Variants in SMARCD3 observed in about 807,000 individuals in gnomAD.
SMARCD3 encodes the protein SWI/SNF-related matrix-associated actin-dependent regulator of chromatin subfamily D member 3.
Under a neutral mutation model 58.0 loss-of-function variants are expected in SMARCD3, and 14 were observed. The observed-to-expected ratio is 0.24, with a 90% confidence interval of 0.16 to 0.38. The LOEUF (loss-of-function observed/expected upper bound fraction) is 0.38, where lower values mean the gene tolerates loss of function less well. Ranked by LOEUF, SMARCD3 falls within the 10% of genes least tolerant of loss-of-function variation. SMARCD3 has a pLI of 1.00. For missense variants in SMARCD3, 408 were observed against 636.9 expected, an observed-to-expected ratio of 0.64 and a Z score of 3.87; for synonymous variants, 253 against 253.8, an observed-to-expected ratio of 1.00 and a Z score of 0.03.
rs1584873500 is a variant in SMARCD3 at position 151,246,418 on chromosome 7, T to A, written c.79-747A>T. 2.0e-5 allele frequency among the ~76,000 whole-genome samples: 3 copies of A among 152,080 alleles called. No individual in the cohort carries two copies. Among genetic ancestry groups the A allele is most frequent in the Admixed American group, 2.0e-4 (3 of 15,270 alleles). ...CATAATTTGCTCCCAGGGTGAGGGC[T>A]GGAGGCAGGGCAGGCAAGGGCAGCC... On this transcript the variant is annotated intron_variant, in intron 1 of 12. Coordinates refer to ENST00000262188, the MANE Select transcript of SMARCD3 (RefSeq NM_001003801.2). This position sits in a 1 kb window ranked among gnomAD's most constrained non-coding sequence, Gnocchi z 4.4.
In SMARCD3 at chr7:151,239,502, G is replaced by A. The variant is rs1414424133; in HGVS notation, c.1297-5C>T. On this transcript the variant is annotated splice_region_variant and splice_polypyrimidine_tract_variant and intron_variant, in intron 11 of 12. Transcript: ENST00000262188. The surrounding 1 kb of genome is among the most constrained non-coding windows in gnomAD (Gnocchi z 7.0). ...GCCGGCTACATCTGTCATCACCTGG[G>A]AGGGAGCGTGGGGTGAGCCCTGAGC... The A allele has an allele frequency of 1.2e-6, 2 of 1,613,078 alleles. No individual in the cohort carries two copies.
Position 151,246,942 on chromosome 7 carries a change from AG to A in SMARCD3, c.79-1272del, listed in dbSNP as rs1803297346. Among the ~76,000 whole-genome samples the A allele has an allele frequency of 6.6e-6, 1 of 151,984 alleles. No homozygotes were observed. The highest frequency in any genetic ancestry group is 1.5e-5 in the Non-Finnish European group (1 of 67,952). ...ACCCACCTCACCCCCAGGCATGAGG[AG>A]GGGCCCCCTTGGGCTTGCTGTTTTC... On this transcript the variant is annotated intron_variant, in intron 1 of 12. Coordinates refer to ENST00000262188, the MANE Select transcript of SMARCD3 (RefSeq NM_001003801.2). The surrounding 1 kb of genome is among the most constrained non-coding windows in gnomAD (Gnocchi z 4.4).
At chr7:151,273,948 A>C (rs899113491) in intron 2 of SMARCD3, among the ~76,000 whole-genome samples, 2 of 152,158 alleles carry the variant, frequency 1.3e-5, no homozygotes, top group African/African-American at 4.8e-5. Context: ...TGGCAGGAGG[A>C]TGAGTTCCTC....
chr7:151,254,411 G>T (rs998573290), intron 2 of SMARCD3: 1 of 152,366 alleles, frequency 6.6e-6, no homozygotes, highest in African/African-American at 2.4e-5. Context: ...CATGTGGCCC[G>T]GGGAATGCCG....
upstream of SMARCD3, among the ~76,000 whole-genome samples, chr7:151,250,589 G>C (rs1803481483): frequency 6.6e-6 from 1 of 151,536 alleles, no homozygotes; most frequent in African/African-American, 2.4e-5. Context: ...GCCCAGCCCA[G>C]GCCCCACTTC....
At position 151,248,370 on chromosome 7, in the gene SMARCD3, G is replaced by T; in HGVS notation, c.78+115C>A. On this transcript the variant is annotated intron_variant, in intron 1 of 12. Coordinates refer to ENST00000262188, the MANE Select transcript of SMARCD3 (RefSeq NM_001003801.2). The surrounding 1 kb of genome is among the most constrained non-coding windows in gnomAD (Gnocchi z 6.1). ...CCGCGGCCGGGCCGTGGGCCATGAC[G>T]CCCCCCACTAGAGGGGTGGGAGAGC... The T allele has an allele frequency of 2.3e-6, 2 of 879,854 alleles. No individual in the cohort carries two copies. The highest frequency in any genetic ancestry group is 3.6e-6 in the Non-Finnish European group (2 of 554,904). 54.5% of individuals were successfully genotyped at this position (879,854 alleles called of 1,614,324 possible).
intron 2 of SMARCD3, among the ~76,000 whole-genome samples, chr7:151,261,437 C>T (rs1017945931): frequency 1.3e-5 from 2 of 152,308 alleles, no homozygotes; most frequent in South Asian, 2.1e-4. Context: ...CACTGAGTGA[C>T]CATAACCCTG....
In SMARCD3 at chr7:151,260,688, C is replaced by T. The variant is rs377558835; in HGVS notation, c.39+14426G>A. Reference sequence around the variant, plus strand: ...ATGTCGTTACCCCGACATAGCCAAGCGGTGCCCTCGGACAGCCCCCTACCA... The same window carrying T: ...ATGTCGTTACCCCGACATAGCCAAGTGGTGCCCTCGGACAGCCCCCTACCA... On this transcript the variant is annotated intron_variant, in intron 2 of 13. Coordinates refer to the SMARCD3 transcript ENST00000356800. Among the ~76,000 whole-genome samples the T allele has an allele frequency of 2.6e-5, 4 of 152,226 alleles. No individual in the cohort carries two copies. In the South Asian group the frequency reaches 8.3e-4, roughly 32 times the overall value.
intron 2 of SMARCD3, among the ~76,000 whole-genome samples, chr7:151,269,306 G>C (rs938627666): frequency 4.6e-5 from 7 of 152,124 alleles, no homozygotes; most frequent in Admixed American, 4.6e-4. Context: ...CCCCACGGGG[G>C]ACACCTTCCG....
chr7:151,247,609 T>A (rs940188432), intron 1 of SMARCD3, among the ~76,000 whole-genome samples: 12 of 152,078 alleles, frequency 7.9e-5, no homozygotes, highest in Non-Finnish European at 8.8e-5. Context: ...TTGGCCATAG[T>A]AAACCCGACA....
At chr7:151,247,698 C>T (rs1437227505) in intron 1 of SMARCD3, among the ~76,000 whole-genome samples, 4 of 138,726 alleles carry the variant, frequency 2.9e-5, no homozygotes, top group Non-Finnish European at 6.5e-5. Flanking sequence ...CCCACCCCTC[C>T]ATACCCCTCC....
intron 2 of SMARCD3, among the ~76,000 whole-genome samples, chr7:151,258,030 G>A (rs757025732): frequency 1.3e-5 from 2 of 151,916 alleles, no homozygotes; most frequent in Admixed American, 6.6e-5. Flanking sequence ...CCCATCCTCC[G>A]CCCAGTCTTC....
rs1175747078 is a variant in SMARCD3 at position 151,243,475 on chromosome 7, G to T, written c.333+184C>A. On this transcript the variant is annotated intron_variant, in intron 3 of 12. Transcript: ENST00000262188. This position sits in a 1 kb window ranked among gnomAD's most constrained non-coding sequence, Gnocchi z 4.4. The stretch of plus-strand genomic sequence containing the variant: ...AGGCCCCTGTGTTCTGGCCCCAGTG[G>T]CTCTGCTGCTTCCCTCCACCTCACC... Among the ~76,000 whole-genome samples, 2 of 152,138 alleles carry T rather than the reference G, an allele frequency of 1.3e-5. No homozygotes were observed. The highest frequency in any genetic ancestry group is 6.5e-5 in the Admixed American group (1 of 15,282).
Position 151,240,127 on chromosome 7 carries a change from A to G in SMARCD3, c.1158T>C (p.Ser386=). 6.2e-7 allele frequency: 1 copy of G among 1,613,980 alleles called. No homozygotes were observed. Among genetic ancestry groups the G allele is most frequent in the Non-Finnish European group, 8.5e-7 (1 of 1,180,016 alleles). ...LLSTANQQEI[S]ALDSKIHETI... ...TGGGCCCCACCTTACTGTCCAGAGC[A>G]CTGATCTCCTGCTGGTTGGCCGTGG... Residue 386 remains serine, a synonymous_variant, in exon 10 of 13, where the codon AGT becomes AGC. Coordinates refer to ENST00000262188, the MANE Select transcript of SMARCD3 (RefSeq NM_001003801.2).
rs184750424 is a variant in SMARCD3 at position 151,259,530 on chromosome 7, G to C, written c.40-13859C>G. On this transcript the variant is annotated intron_variant, in intron 2 of 13. Transcript: ENST00000356800. The stretch of plus-strand genomic sequence containing the variant: ...AACATGTGATGGGTGGAGGTGAAGA[G>C]AGCCCACTCCAAGCCCGTTCAGGAT... 9.1e-4 allele frequency among the ~76,000 whole-genome samples: 135 copies of C among 148,868 alleles called. 1 individual carries two copies. The highest frequency in any genetic ancestry group is 3.0e-3 in the African/African-American group (123 of 40,366).
intron 2 of SMARCD3, among the ~76,000 whole-genome samples, chr7:151,257,870 C>T (rs112314003): frequency 2.2e-4 from 34 of 152,250 alleles, no homozygotes; most frequent in African/African-American, 8.2e-4. Context: ...ACCCGTATGT[C>T]GGCAGCTCCC....
At chr7:151,240,364 G>T in intron 9 of SMARCD3, 61 bp downstream of exon 9, 1 of 1,578,296 alleles carries the variant, frequency 6.3e-7, no homozygotes, top group Non-Finnish European at 8.7e-7. Flanking sequence ...GAGAGGGAGG[G>T]GCAGGGAAGG....
chr7:151,262,583 G>T, intron 2 of SMARCD3, among the ~76,000 whole-genome samples: 1 of 152,232 alleles, frequency 6.6e-6, no homozygotes, highest in East Asian at 1.9e-4. Flanking sequence ...TTACACCCAT[G>T]ACATGGCCTT....
rs1354410211 is a variant in SMARCD3 at position 151,244,652 on chromosome 7, C to G, written c.290+808G>C. The stretch of plus-strand genomic sequence containing the variant: ...CCATTTGCTGTACAAAATGACGATG[C>G]ACTTTACTAAAGAATTCATCATGGG... On this transcript the variant is annotated intron_variant, in intron 2 of 12. Coordinates refer to ENST00000262188, the MANE Select transcript of SMARCD3 (RefSeq NM_001003801.2). Among the ~76,000 whole-genome samples, 5 of 152,316 alleles carry G rather than the reference C, an allele frequency of 3.3e-5. No individual in the cohort carries two copies. The East Asian group carries it at 9.6e-4, about 29-fold the overall frequency.
Sources: allele counts gnomAD v4.1 joint callset (sites outside exome capture counted in the v4.1 genomes callset), GRCh38; gene constraint gnomAD v4.1.1; non-coding constraint Gnocchi (gnomAD v3.1); transcripts MANE v1.5; gene names NCBI Gene and HGNC (gene_info 2026-07-23, HGNC 2026-07-21).